The following PHF24 variants were observed in gnomAD, a reference collection of about 807,000 sequenced individuals.
PHF24 encodes Galpha inhibitory interacting protein.
A neutral mutation model predicts 42.6 loss-of-function variants in PHF24; 25 were observed. That is an observed-to-expected ratio of 0.59 (90% CI 0.43 to 0.82). The LOEUF is 0.82. PHF24 is among the 40% of genes least tolerant of loss of function. The pLI is 0.00. For synonymous variants in PHF24, 185 were observed against 204.8 expected (o/e 0.90, Z 0.83); for missense variants, 470 against 538.1 (o/e 0.87, Z 1.25).
At chr9:34,738,049 T>C in the PHF24 span, among the ~76,000 whole-genome samples, 1 of 149,256 alleles carries the variant, frequency 6.7e-6, no homozygotes, top group South Asian at 2.1e-4. Context: ...TACATAGAAA[T>C]AGAGTGAGAT....
the PHF24 span, chr9:34,837,826 G>T: frequency 1.5e-6 from 1 of 660,636 alleles, no homozygotes. Context: ...CGCTTTCCTG[G>T]ATTTTCTTTG....
the PHF24 span, among the ~76,000 whole-genome samples, chr9:34,947,866 T>C: frequency 6.6e-6 from 1 of 152,138 alleles, no homozygotes; most frequent in African/African-American, 2.4e-5. Flanking sequence ...CCCAGCACTT[T>C]GGGAGGCCGA....
At chr9:34,821,729 C>T in the PHF24 span, among the ~76,000 whole-genome samples, 1,752 of 152,292 alleles carry the variant, frequency 0.012, 34 homozygotes, top group African/African-American at 0.038. Flanking sequence ...GAATTTTGCT[C>T]CATCATCATG....
At chr9:34,808,272 T>C in the PHF24 span, among the ~76,000 whole-genome samples, 7 of 152,276 alleles carry the variant, frequency 4.6e-5, no homozygotes, top group East Asian at 1.9e-4. Flanking sequence ...TATATATGTA[T>C]GTAGTGTTTA....
At chr9:34,718,805 T>G in the PHF24 span, among the ~76,000 whole-genome samples, 11 of 152,328 alleles carry the variant, frequency 7.2e-5, no homozygotes, top group South Asian at 2.1e-4. Flanking sequence ...GAACACAAGT[T>G]ATGTTGTGGA....
the PHF24 span, among the ~76,000 whole-genome samples, chr9:34,748,504 C>A: frequency 6.6e-6 from 1 of 152,144 alleles, no homozygotes; most frequent in Non-Finnish European, 1.5e-5. Context: ...TTTCACCACA[C>A]CCCCAGCCTC....
chr9:34,714,231 A>G, the PHF24 span, among the ~76,000 whole-genome samples: 1 of 152,178 alleles, frequency 6.6e-6, no homozygotes, highest in Admixed American at 6.6e-5. Flanking sequence ...ACAAGGAGAT[A>G]AGATTTCTTG....
the PHF24 span, chr9:34,723,628 G>A: frequency 6.4e-7 from 1 of 1,551,616 alleles, no homozygotes; most frequent in Admixed American, 2.0e-5. Context: ...CTGTAAGGCT[G>A]GGCTTCTTTT....
At chr9:34,721,430 TCTC>T in the PHF24 span, among the ~76,000 whole-genome samples, 12 of 144,718 alleles carry the variant, frequency 8.3e-5, 1 homozygote, top group East Asian at 2.1e-4. Context: ...TCTCTCTCTC[TCTC>T]GATGGAGTTT....
At chr9:34,918,213 G>A in the PHF24 span, 1 of 1,481,856 alleles carries the variant, frequency 6.7e-7, no homozygotes, top group Admixed American at 1.7e-5. Context: ...TGCCAACTGT[G>A]ACCCCTTTTC....
chr9:34,759,354 A>G, the PHF24 span, among the ~76,000 whole-genome samples: 1 of 152,186 alleles, frequency 6.6e-6, no homozygotes, highest in Non-Finnish European at 1.5e-5. Flanking sequence ...ATGTTATTAT[A>G]AAACCTGCCT....
the PHF24 span, among the ~76,000 whole-genome samples, chr9:34,887,842 T>G: frequency 2.7e-3 from 410 of 152,290 alleles, no homozygotes; most frequent in African/African-American, 9.1e-3. Flanking sequence ...TTTTTTCCTC[T>G]TATGTTCACT....
the PHF24 span, chr9:34,709,259 A>T: frequency 9.3e-7 from 1 of 1,076,632 alleles, no homozygotes; most frequent in Middle Eastern, 3.0e-4. Flanking sequence ...AAAGCAGGAG[A>T]AAGAGTGTGG....
the PHF24 span, among the ~76,000 whole-genome samples, chr9:34,858,999 A>G: frequency 6.6e-6 from 1 of 152,182 alleles, no homozygotes; most frequent in Non-Finnish European, 1.5e-5. Flanking sequence ...GTTTAAAGTA[A>G]AAGGGATTAG....
chr9:34,705,637 C>T, the PHF24 span, among the ~76,000 whole-genome samples: 20 of 152,256 alleles, frequency 1.3e-4, no homozygotes, highest in East Asian at 1.9e-3. Flanking sequence ...TAGTTTTAGT[C>T]GGGGCTCAGT....
In PHF24 at chr9:34,958,748, A is replaced by G. The variant is rs1163126596; in HGVS notation, c.-5+347A>G. Among the ~76,000 whole-genome samples the G allele has an allele frequency of 2.6e-5, 4 of 152,230 alleles. No individual in the cohort carries two copies. The highest frequency in any genetic ancestry group is 1.9e-4 in the East Asian group (1 of 5,158). ...AAGGGTGGTCTCTGGAGCTGGCTCA[A>G]TGGAAGACCACCTGGGAACATAGGG... On this transcript the variant is annotated intron_variant, in intron 1 of 7. Coordinates refer to ENST00000242315, the Ensembl canonical transcript of PHF24. The surrounding 1 kb of genome is among the most constrained non-coding windows in gnomAD (Gnocchi z 4.5).
the PHF24 span, among the ~76,000 whole-genome samples, chr9:34,882,596 G>A: frequency 6.7e-6 from 1 of 149,578 alleles, no homozygotes; most frequent in Non-Finnish European, 1.5e-5. Context: ...CAAATCATGA[G>A]TGAACTCCTG....
At chr9:34,754,771 A>C in the PHF24 span, among the ~76,000 whole-genome samples, 1 of 152,176 alleles carries the variant, frequency 6.6e-6, no homozygotes, top group African/African-American at 2.4e-5. Context: ...TTGCAGTGCT[A>C]TTCACAATAG....
At chr9:34,823,991 G>C in the PHF24 span, among the ~76,000 whole-genome samples, 1 of 152,174 alleles carries the variant, frequency 6.6e-6, no homozygotes, top group African/African-American at 2.4e-5. Context: ...TGGAGTAGAC[G>C]TCCTAGGTTT....
Sources: allele counts gnomAD v4.1 joint callset (sites outside exome capture counted in the v4.1 genomes callset), GRCh38; gene constraint gnomAD v4.1.1; non-coding constraint Gnocchi (gnomAD v3.1); transcripts MANE v1.5; gene names NCBI Gene and HGNC (gene_info 2026-07-23, HGNC 2026-07-21).